The following KCNQ3 variants were observed in gnomAD, a reference collection of about 807,000 sequenced individuals.
KCNQ3 encodes the protein potassium voltage-gated channel subfamily KQT member 3.
KCNQ3 carries 30 observed loss-of-function variants against 92.5 expected under a neutral mutation model. The ratio of observed to expected loss-of-function variants is 0.32; its 90% CI spans 0.24 to 0.44. The LOEUF (loss-of-function observed/expected upper bound fraction) is 0.44. Among genes scored for constraint, KCNQ3 ranks in the 20% least tolerant of loss-of-function variants. The pLI, the probability that KCNQ3 is intolerant of heterozygous loss-of-function variation, is 1.00. For synonymous variants in KCNQ3, 450 were observed against 468.8 expected, an observed-to-expected ratio of 0.96 and a Z score of 0.52; for missense variants, 913 against 1,140.3, an observed-to-expected ratio of 0.80 and a Z score of 2.87.
intron 1 of KCNQ3, among the ~76,000 whole-genome samples, chr8:132,467,132 G>C (rs529382239): frequency 9.9e-5 from 15 of 152,254 alleles, no homozygotes; most frequent in African/African-American, 2.9e-4. Context: ...GTGGCCACTA[G>C]AAGTCAAATG....
chr8:132,382,226 T>C (rs1219756933), intron 1 of KCNQ3, among the ~76,000 whole-genome samples: 1 of 152,248 alleles, frequency 6.6e-6, no homozygotes, highest in East Asian at 1.9e-4. Flanking sequence ...TCCCCGGTGT[T>C]GGAAGTGGGG....
intron 1 of KCNQ3, among the ~76,000 whole-genome samples, chr8:132,214,394 TC>T (rs1813959635): frequency 6.6e-6 from 1 of 152,218 alleles, no homozygotes; most frequent in Non-Finnish European, 1.5e-5. Context: ...TTCCCTTCTT[TC>T]CTTCCGTTAG....
chr8:132,179,707 G>A (rs1448361785), intron 4 of KCNQ3, among the ~76,000 whole-genome samples: 2 of 152,058 alleles, frequency 1.3e-5, no homozygotes, highest in East Asian at 1.9e-4. Flanking sequence ...AAACCAAGAC[G>A]CAAAAAATTC....
chr8:132,141,379 C>T (rs1442471177), intron 9 of KCNQ3, 48 bp from the exon 10 acceptor site: 1 of 1,536,648 alleles, frequency 6.5e-7, no homozygotes, highest in Non-Finnish European at 9.0e-7. Context: ...AGTGCAGGCT[C>T]TTAAAATTTC....
chr8:132,216,352 G>C (rs1233626550), intron 1 of KCNQ3, among the ~76,000 whole-genome samples: 1 of 152,238 alleles, frequency 6.6e-6, no homozygotes, highest in Non-Finnish European at 1.5e-5. Flanking sequence ...CTGTGCACCA[G>C]GGCTGGATGC....
chr8:132,423,519 CA>C (rs556664518), intron 1 of KCNQ3, among the ~76,000 whole-genome samples: 90 of 152,328 alleles, frequency 5.9e-4, no homozygotes, highest in African/African-American at 2.1e-3. Context: ...GAGATGGCCA[CA>C]AAACAGTTAC....
chr8:132,149,948 G>A (rs1191812492), intron 9 of KCNQ3, among the ~76,000 whole-genome samples: 1 of 152,132 alleles, frequency 6.6e-6, no homozygotes, highest in Non-Finnish European at 1.5e-5. Flanking sequence ...GAAACCATTT[G>A]CCATAAGAAT....
intron 1 of KCNQ3, among the ~76,000 whole-genome samples, chr8:132,198,622 C>A (rs1490719559): frequency 1.3e-5 from 2 of 152,188 alleles, no homozygotes; most frequent in African/African-American, 4.8e-5. Flanking sequence ...CCCTGGCCAA[C>A]ACAATGAAAC....
intron 1 of KCNQ3, among the ~76,000 whole-genome samples, chr8:132,339,480 A>C (rs16904660): frequency 6.6e-6 from 1 of 152,198 alleles, no homozygotes; most frequent in African/African-American, 2.4e-5. Context: ...TTAAAAAAAA[A>C]CAAAATGCAC....
Position 132,121,411 on chromosome 8 carries a change from G to A in KCNQ3, c.*7851C>T, listed in dbSNP as rs1200635425. ...TGATTTTTCAGGATGGCACAGAGCC[G>A]ACTTCACCTCTCCAACAGCAAATCT... On this transcript the variant is annotated 3_prime_UTR_variant, in exon 15 of 15. Transcript: ENST00000388996. The A allele has an allele frequency of 6.6e-6, 1 of 152,138 alleles. No individual in the cohort carries two copies. The highest frequency in any genetic ancestry group is 1.5e-5 in the Non-Finnish European group (1 of 68,026). The allele number at this position is 152,138 out of a possible 1,614,324, so 9.4% of individuals were successfully genotyped here.
chr8:132,297,483 A>C (rs1254851792), intron 1 of KCNQ3, among the ~76,000 whole-genome samples: 1 of 152,164 alleles, frequency 6.6e-6, no homozygotes, highest in Admixed American at 6.5e-5. Flanking sequence ...ACAGTGTGCT[A>C]ATCAATAATT....
At chr8:132,273,422 G>T (rs1456296909) in intron 1 of KCNQ3, among the ~76,000 whole-genome samples, 1 of 152,192 alleles carries the variant, frequency 6.6e-6, no homozygotes, top group Non-Finnish European at 1.5e-5. Context: ...TCCTTAGGCT[G>T]CACACAGCAT....
chr8:132,187,702 GTGGTGGTGGTGGTGGTGA>G (rs1372355524), intron 1 of KCNQ3, among the ~76,000 whole-genome samples: 1 of 90,658 alleles, frequency 1.1e-5, no homozygotes, highest in Non-Finnish European at 2.3e-5. Context: ...TGTGATGATA[GTGGTGGTGGTGGTGGTGA>G]TGGTGGTGAT....
intron 4 of KCNQ3, among the ~76,000 whole-genome samples, chr8:132,177,042 G>A (rs1329495655): frequency 6.6e-6 from 1 of 152,212 alleles, no homozygotes; most frequent in African/African-American, 2.4e-5. Context: ...TCCTTACCCA[G>A]TGATTGCCTG....
chr8:132,469,437 G>A (rs1452570811), intron 1 of KCNQ3, among the ~76,000 whole-genome samples: 1 of 152,220 alleles, frequency 6.6e-6, no homozygotes, highest in African/African-American at 2.4e-5. Context: ...TTTGCAGACT[G>A]TATGGTAAGT....
At chr8:132,360,976 T>C (rs1449217188) in intron 1 of KCNQ3, among the ~76,000 whole-genome samples, 1 of 152,216 alleles carries the variant, frequency 6.6e-6, no homozygotes, top group Non-Finnish European at 1.5e-5. Flanking sequence ...AGGCTACTGC[T>C]TGGCTCTTCA....
chr8:132,152,538 A>G (rs1825670742), intron 9 of KCNQ3, among the ~76,000 whole-genome samples: 1 of 152,204 alleles, frequency 6.6e-6, no homozygotes, highest in African/African-American at 2.4e-5. Context: ...AAACAATTGT[A>G]GAAACTGGTT....
chr8:132,327,692 G>A (rs1818099374), intron 1 of KCNQ3, among the ~76,000 whole-genome samples: 1 of 152,160 alleles, frequency 6.6e-6, no homozygotes, highest in South Asian at 2.1e-4. Flanking sequence ...TGGGCTCCAT[G>A]GGCCTCATCC....
chr8:132,279,444 G>A (rs1816444093), intron 1 of KCNQ3, among the ~76,000 whole-genome samples: 1 of 152,156 alleles, frequency 6.6e-6, no homozygotes, highest in Admixed American at 6.5e-5. Context: ...TTAGTTTAGG[G>A]TCAGTTAGAT....
Sources: allele counts gnomAD v4.1 joint callset (sites outside exome capture counted in the v4.1 genomes callset), GRCh38; gene constraint gnomAD v4.1.1; transcripts MANE v1.5; gene names NCBI Gene and HGNC (gene_info 2026-07-23, HGNC 2026-07-21).